The following PRKD3 variants were observed in gnomAD, a reference collection of about 807,000 sequenced individuals.
The protein encoded by PRKD3 is protein kinase D3.
PRKD3 carries 47 observed loss-of-function variants against 99.2 expected under a neutral mutation model. The ratio of observed to expected loss-of-function variants is 0.47; its 90% CI spans 0.38 to 0.60. The LOEUF is 0.60. Ranked by LOEUF, PRKD3 falls within the 20% of genes least tolerant of loss-of-function variation. The pLI is 0.00. For missense variants in PRKD3, 1,019 were observed against 1,088.4 expected (o/e 0.94, Z 0.90); for synonymous variants, 392 against 355.4 (o/e 1.10, Z -1.16).
chr2:37,279,909 C>T lies in PRKD3; in HGVS notation c.1009G>A (p.Asp337Asn), dbSNP rs368060548. ...FNGEPSSLGT[D>N]TDIPMDIDNN... ...TCAATATCCATTGGTATATCTGTATCTGTTCCCAGACTGGAAGGTTCTGGG... is the reference window on the plus strand; with the variant it reads ...TCAATATCCATTGGTATATCTGTATTTGTTCCCAGACTGGAAGGTTCTGGG... Residue 337 changes from aspartate (D) to asparagine (N), a missense_variant, in exon 8 of 19, where the codon GAT becomes AAT. Asp to Asn is a conservative substitution (Grantham distance 23, BLOSUM62 1). Around this residue, in one of 3 missense-constraint regions of PRKD3, gnomAD observed 710 missense variants for 692.7 expected, o/e 1.02. Coordinates refer to ENST00000234179, the MANE Select transcript of PRKD3 (RefSeq NM_005813.6). The T allele has an allele frequency of 6.2e-7, 1 of 1,608,116 alleles. No homozygotes were observed. The highest frequency in any genetic ancestry group is 1.7e-5 in the Admixed American group (1 of 59,098).
chr2:37,265,657 A>G (rs180682515), intron 14 of PRKD3, among the ~76,000 whole-genome samples: 147 of 152,320 alleles, frequency 9.7e-4, no homozygotes, highest in African/African-American at 3.4e-3. Context: ...ACCACAAGGA[A>G]AGCCAAATAT....
At chr2:37,324,063 G>T (rs1671999792) in intron 1 of PRKD3, 1 of 422,774 alleles carries the variant, frequency 2.4e-6, no homozygotes, top group South Asian at 1.0e-4. Flanking sequence ...AGAAACAGTG[G>T]CACTCCTCAG....
chr2:37,252,847 T>TTATATTTATATATATATA lies in PRKD3; in HGVS notation c.*329_*330insTATATATATATAAATATA, dbSNP rs1553362997. On this transcript the variant is annotated 3_prime_UTR_variant, in exon 19 of 19. Coordinates refer to ENST00000234179, the MANE Select transcript of PRKD3 (RefSeq NM_005813.6). Reference sequence around the variant, plus strand: ...AAAACAAACAAACATATATTTATATTTATATATATATATATAAAGAGAAAT... The same window carrying TTATATTTATATATATATA: ...AAAACAAACAAACATATATTTATATTTATATTTATATATATATATATATATATATATATAAAGAGAAAT... The TTATATTTATATATATATA allele has an allele frequency of 1.4e-5, 2 of 145,014 alleles. No homozygotes were observed. Among genetic ancestry groups the TTATATTTATATATATATA allele is most frequent in the South Asian group, 2.2e-4 (1 of 4,578 alleles). 9.0% of individuals were successfully genotyped at this position (145,014 alleles called of 1,614,324 possible).
intron 12 of PRKD3, among the ~76,000 whole-genome samples, chr2:37,269,965 C>T (rs367950920): frequency 2.4e-4 from 37 of 152,278 alleles, no homozygotes; most frequent in African/African-American, 7.9e-4. Flanking sequence ...TGGTGGCTCA[C>T]GCCTGTAATC....
intron 5 of PRKD3, among the ~76,000 whole-genome samples, chr2:37,288,734 A>G (rs931164073): frequency 6.6e-6 from 1 of 152,180 alleles, no homozygotes; most frequent in African/African-American, 2.4e-5. Flanking sequence ...CAAGTCACTT[A>G]GCTGCTCTGT....
At chr2:37,311,553 A>G (rs886735227) in intron 2 of PRKD3, among the ~76,000 whole-genome samples, 2 of 152,198 alleles carry the variant, frequency 1.3e-5, no homozygotes, top group Non-Finnish European at 2.9e-5. Flanking sequence ...AGCTCTCTGC[A>G]AACTGCCACC....
At chr2:37,272,805 G>T (rs1297837690) in intron 11 of PRKD3, among the ~76,000 whole-genome samples, 2 of 152,076 alleles carry the variant, frequency 1.3e-5, no homozygotes, top group Non-Finnish European at 2.9e-5. Context: ...TGGGCTACAG[G>T]ATACCCTATC....
intron 2 of PRKD3, among the ~76,000 whole-genome samples, chr2:37,312,076 A>G (rs568967594): frequency 4.6e-5 from 7 of 152,366 alleles, no homozygotes; most frequent in Middle Eastern, 3.4e-3. Flanking sequence ...TTTTCCATAA[A>G]TATGACAAAA....
intron 8 of PRKD3, 200 bp from the exon 9 acceptor site, chr2:37,278,189 C>T (rs1019143217): frequency 2.6e-5 from 8 of 303,198 alleles, no homozygotes; most frequent in Non-Finnish European, 4.2e-5. Flanking sequence ...ATTTTAAATC[C>T]TATTTACTTG....
intron 16 of PRKD3, among the ~76,000 whole-genome samples, chr2:37,257,888 T>C (rs1668107498): frequency 6.6e-6 from 1 of 152,094 alleles, no homozygotes; most frequent in Non-Finnish European, 1.5e-5. Context: ...AACAAATTAT[T>C]TCTAGTTAGA....
intron 2 of PRKD3, among the ~76,000 whole-genome samples, chr2:37,296,362 G>T (rs1670672953): frequency 6.6e-6 from 1 of 152,108 alleles, no homozygotes; most frequent in Admixed American, 6.5e-5. Context: ...AGCTTGTAAA[G>T]AAATTACAGT....
At chr2:37,283,717 C>T (rs949125676) in intron 6 of PRKD3, among the ~76,000 whole-genome samples, 18 of 151,908 alleles carry the variant, frequency 1.2e-4, no homozygotes, top group South Asian at 4.1e-4. Context: ...CCGGGTGCAG[C>T]GGCTCACACC....
At chr2:37,260,407 A>G (rs1668327059) in intron 14 of PRKD3, 23 bp from the exon 15 acceptor site, 1 of 1,589,400 alleles carries the variant, frequency 6.3e-7, no homozygotes, top group East Asian at 2.2e-5. Flanking sequence ...TGCAAGATAC[A>G]TGAGCAACTT....
chr2:37,283,321 G>A (rs1479376462), intron 6 of PRKD3, among the ~76,000 whole-genome samples: 1 of 149,692 alleles, frequency 6.7e-6, no homozygotes, highest in East Asian at 2.0e-4. Context: ...GCTGAGCTCT[G>A]TAAGTCATAC....
At chr2:37,286,119 C>T in intron 6 of PRKD3, 58 bp downstream of exon 6, 16 of 1,323,346 alleles carry the variant, frequency 1.2e-5, no homozygotes, top group South Asian at 7.8e-5. Context: ...TATTTTAAGC[C>T]TATATATAAT....
At chr2:37,322,461 A>T (rs11124578) in intron 1 of PRKD3, among the ~76,000 whole-genome samples, 3 of 152,028 alleles carry the variant, frequency 2.0e-5, no homozygotes, top group Admixed American at 2.0e-4. Context: ...ACTGTCAGAG[A>T]GTACTGAGAG....
chr2:37,306,067 CTTTTTT>C (rs543636647), intron 2 of PRKD3, among the ~76,000 whole-genome samples: 130 of 141,780 alleles, frequency 9.2e-4, no homozygotes, highest in African/African-American at 3.2e-3. Flanking sequence ...TCCTTGGATT[CTTTTTT>C]TTTTTTTTTT....
intron 2 of PRKD3, among the ~76,000 whole-genome samples, chr2:37,294,344 C>A (rs1670583333): frequency 6.6e-6 from 1 of 152,114 alleles, no homozygotes; most frequent in Non-Finnish European, 1.5e-5. Flanking sequence ...GATTCCCCCA[C>A]GTCAGCCTCC....
At chr2:37,292,558 G>A (rs1670481920) in intron 3 of PRKD3, among the ~76,000 whole-genome samples, 1 of 152,084 alleles carries the variant, frequency 6.6e-6, no homozygotes, top group African/African-American at 2.4e-5. Context: ...TTGTTAGCCA[G>A]GATGGTCTTG....
Sources: gnomAD v4.1 joint callset for allele counts (sites outside exome capture counted in the v4.1 genomes callset) on GRCh38, gnomAD v4.1.1 for gene constraint, gnomAD v4.1.1 regional missense constraint, MANE v1.5 for transcripts, NCBI Gene and HGNC (gene_info 2026-07-23, HGNC 2026-07-21) for gene names.